The following FAM13A variants were observed in gnomAD, a reference collection of about 807,000 sequenced individuals.
The protein encoded by FAM13A is protein FAM13A.
In FAM13A, 76 loss-of-function variants were observed where a neutral mutation model predicts 129.6. The ratio of observed to expected loss-of-function variants is 0.59; its 90% CI spans 0.49 to 0.71. The LOEUF (loss-of-function observed/expected upper bound fraction) is 0.71. FAM13A is among the 30% of genes least tolerant of loss of function. FAM13A has a pLI of 0.00. For missense variants in FAM13A, 1,108 were observed against 1,249.3 expected, an observed-to-expected ratio of 0.89 and a Z score of 1.70; for synonymous variants, 443 against 449.9, an observed-to-expected ratio of 0.98 and a Z score of 0.20.
intron 1 of FAM13A, among the ~76,000 whole-genome samples, chr4:89,050,929 C>CA (rs1043334612): frequency 1.1e-4 from 17 of 149,644 alleles, no homozygotes; most frequent in South Asian, 2.1e-4. Context: ...CTTCTATCTC[C>CA]AAAAAAAAAG....
At chr4:88,820,822 T>C (rs1731741666) in intron 7 of FAM13A, among the ~76,000 whole-genome samples, 1 of 152,242 alleles carries the variant, frequency 6.6e-6, no homozygotes, top group Non-Finnish European at 1.5e-5. Context: ...GTAATTCTCA[T>C]GCACTCAAAG....
At chr4:88,919,898 C>T (rs954109914) in intron 5 of FAM13A, among the ~76,000 whole-genome samples, 6 of 152,258 alleles carry the variant, frequency 3.9e-5, no homozygotes, top group South Asian at 2.1e-4. Flanking sequence ...GAGATTATAT[C>T]GCGCACATGG....
chr4:88,729,856 T>C (rs1737267672), intron 23 of FAM13A: 1 of 152,246 alleles, frequency 6.6e-6, no homozygotes, highest in African/African-American at 2.4e-5. Context: ...TAGGCTTAGA[T>C]GAAAGACTGG....
rs534606013 is a variant in FAM13A, at chr4:88,956,361, C to T, written c.606-18120G>A. 7.2e-5 allele frequency among the ~76,000 whole-genome samples: 11 copies of T among 152,278 alleles called. No individual in the cohort carries two copies. In the East Asian group the frequency reaches 1.9e-3, roughly 27 times the overall value. On this transcript the variant is annotated intron_variant, in intron 4 of 23. Coordinates refer to ENST00000264344, the MANE Select transcript of FAM13A (RefSeq NM_014883.4). The stretch of plus-strand genomic sequence containing the variant: ...CATGCTGCACATGTTTGCAGACTAG[C>T]AGCAATAGACTATATCATATAGCCT...
At chr4:88,865,521 C>T (rs1740232975) in intron 6 of FAM13A, among the ~76,000 whole-genome samples, 1 of 152,104 alleles carries the variant, frequency 6.6e-6, no homozygotes, top group South Asian at 2.1e-4. Context: ...AGTTTTAGTG[C>T]CTAGTAACGG....
rs775203104 is a variant in FAM13A at position 89,020,568 on chromosome 4, C to T, written c.319G>A (p.Asp107Asn). Residue 107 changes from aspartate to asparagine, a missense_variant, in exon 3 of 24, where the codon GAC (aspartate) becomes AAC (asparagine). Physicochemically the swap from Asp to Asn is conservative, Grantham distance 23 (BLOSUM62 1). Coordinates refer to ENST00000264344, the MANE Select transcript of FAM13A (RefSeq NM_014883.4). ...CTGGCTGCTGAGCAGACATCACCGT[C>T]CTTCCCGAGCTCCACGGGCACTCCA... ...ESGVPVELGK[D>N]GDVCSAASLL... 6.2e-7 allele frequency: 1 copy of T among 1,614,138 alleles called. No individual in the cohort carries two copies. Among genetic ancestry groups the T allele is most frequent in the South Asian group, 1.1e-5 (1 of 91,082 alleles).
At chr4:88,902,594 T>C (rs1451580348) in intron 6 of FAM13A, among the ~76,000 whole-genome samples, 6 of 152,120 alleles carry the variant, frequency 3.9e-5, no homozygotes, top group African/African-American at 4.8e-5. Flanking sequence ...AACTAGGTAT[T>C]GAAGGAATGT....
intron 20 of FAM13A, among the ~76,000 whole-genome samples, chr4:88,738,686 T>G (rs1198358559): frequency 6.6e-6 from 1 of 152,146 alleles, no homozygotes; most frequent in Admixed American, 6.5e-5. Flanking sequence ...ACGGCACTCT[T>G]TGGAGTGAAG....
chr4:89,007,640 G>A (rs1241843231), intron 3 of FAM13A, among the ~76,000 whole-genome samples: 1 of 152,174 alleles, frequency 6.6e-6, no homozygotes, highest in Admixed American at 6.5e-5. Context: ...TGGAGTCATT[G>A]TTATACAGAA....
intron 4 of FAM13A, among the ~76,000 whole-genome samples, chr4:88,973,814 T>A (rs556867532): frequency 6.6e-6 from 1 of 152,250 alleles, no homozygotes; most frequent in Admixed American, 6.5e-5. Flanking sequence ...TACAGCCCCA[T>A]GATTAGGTCT....
chr4:88,781,107 A>G (rs1722756337), intron 11 of FAM13A, 58 bp downstream of exon 11: 1 of 1,224,240 alleles, frequency 8.2e-7, no homozygotes, highest in Non-Finnish European at 1.1e-6. Context: ...TTTACAAAGC[A>G]AAGAAAAGAG....
intron 5 of FAM13A, among the ~76,000 whole-genome samples, chr4:88,916,047 A>T (rs1750065322): frequency 6.6e-6 from 1 of 151,694 alleles, no homozygotes; most frequent in Non-Finnish European, 1.5e-5. Context: ...AATTAAAAAA[A>T]AGAAGAAGAA....
At chr4:89,001,878 A>C (rs938332440) in intron 3 of FAM13A, among the ~76,000 whole-genome samples, 1 of 152,208 alleles carries the variant, frequency 6.6e-6, no homozygotes, top group African/African-American at 2.4e-5. Flanking sequence ...TGCTGATTAA[A>C]ATGGCCCTAT....
At chr4:88,801,552 G>T (rs936255278) in intron 8 of FAM13A, among the ~76,000 whole-genome samples, 2 of 152,312 alleles carry the variant, frequency 1.3e-5, no homozygotes, top group Middle Eastern at 6.8e-3. Flanking sequence ...AAGAGAGGAA[G>T]ATCAGTGCAC....
chr4:88,805,020 A>T lies in FAM13A; in HGVS notation c.1040T>A (p.Phe347Tyr). 6.4e-7 allele frequency: 1 copy of T among 1,556,838 alleles called. No homozygotes were observed. Residue 347 changes from phenylalanine to tyrosine, a missense_variant, in exon 8 of 24, where the codon TTC becomes TAC. Physicochemically the swap from Phe to Tyr is conservative, Grantham distance 22. Coordinates refer to ENST00000264344, the MANE Select transcript of FAM13A (RefSeq NM_014883.4). ...SQEDERPLSP[F>Y]YLSAHVPQVS... ...AAAATCAAATAAATACCTCAAATAG[A>T]AAGGTGACAGAGGTCTTTCATCTTC... is the stretch of plus-strand genomic sequence containing the variant.
chr4:88,913,892 A>G (rs1264732841), intron 5 of FAM13A, among the ~76,000 whole-genome samples: 2 of 152,132 alleles, frequency 1.3e-5, no homozygotes, highest in Non-Finnish European at 2.9e-5. Context: ...TAGTATGTTC[A>G]AACTTGAGCT....
chr4:88,732,630 TA>T (rs61477444), intron 21 of FAM13A: 18,303 of 145,592 alleles, frequency 0.13, 1,418 homozygotes, highest in African/African-American at 0.23. Flanking sequence ...CAGATGGCTT[TA>T]AAAAAAAAAA....
chr4:89,021,996 G>A (rs1767329708), intron 2 of FAM13A, among the ~76,000 whole-genome samples: 2 of 152,192 alleles, frequency 1.3e-5, no homozygotes, highest in Non-Finnish European at 1.5e-5. Context: ...GTGTCAGGCA[G>A]TAGAGGACTT....
rs80133320 is a variant in FAM13A, at chr4:88,767,682, A to G, written c.1536-87T>C. On this transcript the variant is annotated intron_variant, in intron 12 of 23. Transcript: ENST00000264344. ...ATCCACTGATATTATGATTTAATTT[A>G]AGAGTATGTTGAGTAGCTCTAAGCC... 7.6e-4 allele frequency: 840 copies of G among 1,107,676 alleles called. 7 individuals carry two copies. In the African/African-American group the frequency reaches 0.012, roughly 16 times the overall value. The allele number at this position is 1,107,676 out of a possible 1,614,324, so 68.6% of individuals were successfully genotyped here.
Sources: allele counts gnomAD v4.1 joint callset (sites outside exome capture counted in the v4.1 genomes callset), GRCh38; gene constraint gnomAD v4.1.1; transcripts MANE v1.5; gene names NCBI Gene and HGNC (gene_info 2026-07-23, HGNC 2026-07-21).